MEGF11: variants seen among roughly 807,000 people sequenced by gnomAD.
MEGF11 encodes multiple EGF like domains 11, also known as multiple epidermal growth factor-like domains protein 11.
MEGF11 carries 126 observed loss-of-function variants against 146.6 expected under a neutral mutation model. That is an observed-to-expected ratio of 0.86 (90% confidence interval 0.74 to 1.00). The LOEUF (loss-of-function observed/expected upper bound fraction) is 1.00, where lower values mean the gene tolerates loss of function less well. MEGF11 is among the 50% of genes least tolerant of loss of function. MEGF11 has a pLI of 0.00. For synonymous variants in MEGF11, 532 were observed against 583.4 expected, an observed-to-expected ratio of 0.91 and a Z score of 1.27; for missense variants, 1,509 against 1,521.2, an observed-to-expected ratio of 0.99 and a Z score of 0.13.
At chr15:66,105,590 CA>C (rs2087029964) in intron 4 of MEGF11, among the ~76,000 whole-genome samples, 1 of 152,184 alleles carries the variant, frequency 6.6e-6, no homozygotes, top group African/African-American at 2.4e-5. Context: ...ACTTTATTCT[CA>C]AAGCCCTGAG....
chr15:66,079,713 G>A (rs548935939), intron 5 of MEGF11, among the ~76,000 whole-genome samples: 3 of 152,174 alleles, frequency 2.0e-5, no homozygotes, highest in Non-Finnish European at 4.4e-5. Context: ...GCCATACAGG[G>A]TCATTCTTGG....
At chr15:66,068,775 C>T (rs576485115) in intron 5 of MEGF11, among the ~76,000 whole-genome samples, 15 of 152,322 alleles carry the variant, frequency 9.8e-5, no homozygotes, top group Admixed American at 7.2e-4. Flanking sequence ...AATGAGGGTG[C>T]TGGTCATGGG....
chr15:65,920,618 A>T (rs2079143294), intron 15 of MEGF11, among the ~76,000 whole-genome samples: 1 of 152,260 alleles, frequency 6.6e-6, no homozygotes, highest in Non-Finnish European at 1.5e-5. Context: ...TAGCTGAATC[A>T]AGAGTAAGGC....
chr15:66,159,867 C>T (rs999952924), intron 1 of MEGF11, among the ~76,000 whole-genome samples: 1 of 152,030 alleles, frequency 6.6e-6, no homozygotes, highest in African/African-American at 2.4e-5. Context: ...GAAGAGGGTG[C>T]AGCGGTCACC....
At chr15:66,138,902 T>C (rs2089016836) in intron 1 of MEGF11, among the ~76,000 whole-genome samples, 1 of 152,144 alleles carries the variant, frequency 6.6e-6, no homozygotes, top group Non-Finnish European at 1.5e-5. Flanking sequence ...GTACAGATAC[T>C]ACTGGGGGTG....
chr15:65,964,958 A>C lies in MEGF11; in HGVS notation c.1062T>G (p.His354Gln), dbSNP rs1345880934. The C allele has an allele frequency of 1.1e-5, 17 of 1,574,594 alleles. No individual in the cohort carries two copies. The highest frequency in any genetic ancestry group is 1.5e-5 in the Non-Finnish European group (17 of 1,160,634). ...GGCAGGGCAGGGTGCAGCCTGGGCC[A>C]TGCAGGCCCTCCGGGCACAGTCGCT... Reference protein sequence around the residue: ...CQERLCPEGLHGPGCTLPCPC... With the variant: ...CQERLCPEGLQGPGCTLPCPC... The change falls in exon 9 of 26, where the codon CAT (histidine) becomes CAG (glutamine). Residue 354 changes from histidine to glutamine, a missense_variant. By Grantham distance (24) the His-to-Gln change is conservative. Coordinates refer to ENST00000395614, the MANE Select transcript of MEGF11 (RefSeq NM_001385028.1).
Position 66,238,601 on chromosome 15 carries a change from G to A in MEGF11, c.-9+15004C>T, listed in dbSNP as rs369342852. 1.0e-3 allele frequency among the ~76,000 whole-genome samples: 157 copies of A among 152,306 alleles called. No homozygotes were observed. The South Asian group carries it at 0.018, about 17-fold the overall frequency. ...GCCAGGCCAGGTTTAAACCCACTGC[G>A]TGGATTAACTCATTTAACCCTCACA... On this transcript the variant is annotated intron_variant, in intron 1 of 25. Coordinates refer to ENST00000395614, the MANE Select transcript of MEGF11 (RefSeq NM_001385028.1).
intron 1 of MEGF11, among the ~76,000 whole-genome samples, chr15:66,193,330 C>T (rs560580839): frequency 1.8e-4 from 27 of 152,268 alleles, no homozygotes; most frequent in African/African-American, 5.8e-4. Context: ...CAAAAGCTTT[C>T]GACTTCATTC....
At chr15:66,032,368 AG>A (rs1309268386) in intron 5 of MEGF11, among the ~76,000 whole-genome samples, 1 of 152,236 alleles carries the variant, frequency 6.6e-6, no homozygotes, top group Non-Finnish European at 1.5e-5. Flanking sequence ...AAAATGTGGA[AG>A]GGTTTGAGGA....
intron 1 of MEGF11, among the ~76,000 whole-genome samples, chr15:66,142,209 G>A (rs949938263): frequency 6.6e-6 from 1 of 152,196 alleles, no homozygotes; most frequent in African/African-American, 2.4e-5. Context: ...TAAAAAGTGA[G>A]AGCACTCCTA....
At chr15:66,179,986 A>G (rs2141146842) in intron 1 of MEGF11, among the ~76,000 whole-genome samples, 1 of 152,310 alleles carries the variant, frequency 6.6e-6, no homozygotes, top group East Asian at 1.9e-4. Flanking sequence ...CCTATGATCC[A>G]GAAACCTTGC....
chr15:66,007,413 T>A (rs1235371762), intron 5 of MEGF11, among the ~76,000 whole-genome samples: 1 of 152,170 alleles, frequency 6.6e-6, no homozygotes, highest in Non-Finnish European at 1.5e-5. Context: ...AAAAGTTGAA[T>A]AATTTCCCTG....
At chr15:66,014,677 C>T (rs1363478650) in intron 5 of MEGF11, among the ~76,000 whole-genome samples, 1 of 152,198 alleles carries the variant, frequency 6.6e-6, no homozygotes, top group East Asian at 1.9e-4. Flanking sequence ...TCCCACCCCA[C>T]CCCACCATTC....
At chr15:65,968,339 T>C (rs1453679923) in intron 8 of MEGF11, among the ~76,000 whole-genome samples, 1 of 152,164 alleles carries the variant, frequency 6.6e-6, no homozygotes, top group Non-Finnish European at 1.5e-5. Context: ...CTCGAATGTC[T>C]CAAATGTCGG....
At chr15:65,974,068 C>T (rs2081376837) in intron 7 of MEGF11, among the ~76,000 whole-genome samples, 1 of 152,194 alleles carries the variant, frequency 6.6e-6, no homozygotes, top group African/African-American at 2.4e-5. Context: ...AAGGATGTTC[C>T]TCCAATTAAT....
At chr15:66,033,770 T>C (rs2083620677) in intron 5 of MEGF11, among the ~76,000 whole-genome samples, 1 of 143,220 alleles carries the variant, frequency 7.0e-6, no homozygotes. Context: ...CCTGTTGGTT[T>C]TGGATTTATT....
intron 4 of MEGF11, among the ~76,000 whole-genome samples, chr15:66,102,299 T>C (rs1466094093): frequency 6.7e-6 from 1 of 150,198 alleles, no homozygotes; most frequent in Non-Finnish European, 1.5e-5. Context: ...GATCTGTGCA[T>C]GTCCTAGAGC....
At chr15:65,998,302 C>T (rs998537322) in intron 5 of MEGF11, among the ~76,000 whole-genome samples, 1 of 152,128 alleles carries the variant, frequency 6.6e-6, no homozygotes, top group Non-Finnish European at 1.5e-5. Context: ...GAGAATGAGT[C>T]TTTCCACTCC....
At chr15:65,909,172 C>T in intron 22 of MEGF11, 37 bp from the exon 23 acceptor site, 1 of 1,405,208 alleles carries the variant, frequency 7.1e-7, no homozygotes, top group Non-Finnish European at 9.7e-7. Flanking sequence ...CCATTATTCC[C>T]AGGGCCCTGG....
Sources: allele counts gnomAD v4.1 joint callset (sites outside exome capture counted in the v4.1 genomes callset), GRCh38; gene constraint gnomAD v4.1.1; transcripts MANE v1.5; gene names NCBI Gene and HGNC (gene_info 2026-07-23, HGNC 2026-07-21).